The following GTF2H3 variants were observed in gnomAD, a reference collection of about 807,000 sequenced individuals.
GTF2H3 encodes general transcription factor IIH subunit 3.
Under a neutral mutation model 51.1 loss-of-function variants are expected in GTF2H3, and 42 were observed. That is an observed-to-expected ratio of 0.82 (90% CI 0.64 to 1.06). The LOEUF (loss-of-function observed/expected upper bound fraction) is 1.06, where lower values mean the gene tolerates loss of function less well. Among genes scored for constraint, GTF2H3 ranks in the 50% least tolerant of loss-of-function variants. The pLI, the probability that GTF2H3 is intolerant of heterozygous loss-of-function variation, is 0.00. For missense variants in GTF2H3, 326 were observed against 366.1 expected (o/e 0.89, Z 0.89); for synonymous variants, 123 against 123.8 (o/e 0.99, Z 0.04).
chr12:123,637,201 C>T (rs980601220), intron 1 of GTF2H3, among the ~76,000 whole-genome samples: 20 of 152,030 alleles, frequency 1.3e-4, no homozygotes, highest in Non-Finnish European at 4.4e-5. Context: ...AGGGGTTGGA[C>T]CCAGTATCCC....
intron 2 of GTF2H3, chr12:123,639,944 G>A (rs1174333003): frequency 4.4e-6 from 2 of 455,846 alleles, no homozygotes; most frequent in Non-Finnish European, 8.8e-6. Context: ...TCATTGATTT[G>A]TGTGTCCATC....
intron 4 of GTF2H3, chr12:123,649,574 C>T (rs1955494522): frequency 4.6e-5 from 7 of 152,236 alleles, no homozygotes; most frequent in Admixed American, 3.9e-4. Flanking sequence ...CCAGAGTTAT[C>T]ATCTTAAAAA....
rs200445892 is a variant in GTF2H3, at chr12:123,659,895, T to C, written c.785T>C (p.Ile262Thr). The C allele has an allele frequency of 2.8e-5, 45 of 1,614,066 alleles. No individual in the cohort carries two copies. The South Asian group carries it at 4.2e-4, about 15-fold the overall frequency. Residue 262 changes from isoleucine to threonine, a missense_variant, in exon 11 of 13, where the codon ATT (isoleucine) becomes ACT (threonine). Ile to Thr is a moderately conservative substitution (Grantham distance 89). Transcript: ENST00000543341. ...RAACFCHRNL[I>T]EIGYVCSVCL... ...GCTTGCTTCTGTCATCGAAATCTCA[T>C]TGAAATTGGTTATGTCTGTTCTGTG...
chr12:123,645,356 C>T, intron 2 of GTF2H3, 99 bp from the exon 3 acceptor site: 1 of 683,414 alleles, frequency 1.5e-6, no homozygotes, highest in South Asian at 1.8e-5. Context: ...AGGCTTGAGC[C>T]ACTGCACCCA....
chr12:123,651,320 C>T (rs1955517568), intron 5 of GTF2H3, among the ~76,000 whole-genome samples: 1 of 152,124 alleles, frequency 6.6e-6, no homozygotes, highest in Non-Finnish European at 1.5e-5. Flanking sequence ...AAGCAGTTCT[C>T]TTGCTTCAGC....
chr12:123,637,825 G>C (rs749697468), intron 1 of GTF2H3, among the ~76,000 whole-genome samples: 6 of 152,006 alleles, frequency 3.9e-5, no homozygotes, highest in Non-Finnish European at 7.4e-5. Flanking sequence ...TCTTAATTAC[G>C]ATTGGCCTTG....
rs147119955 is a variant in GTF2H3 at position 123,645,502 on chromosome 12, G to A, written c.141G>A (p.Ser47=). The change falls in exon 3 of 13, where the codon TCG becomes TCA. Residue 47 remains serine (S), a synonymous_variant. Transcript: ENST00000543341. ...ATGCCGTGATGGTGCTGGGAAATTC[G>A]CATTTATTCATGAATCGTTCCAACA... is the stretch of plus-strand genomic sequence containing the variant. ...CIDAVMVLGN[S]HLFMNRSNKL... is the part of the protein sequence containing the mutation. 22 of 1,610,192 alleles carry A rather than the reference G, an allele frequency of 1.4e-5. No individual in the cohort carries two copies. The African/African-American group carries it at 1.5e-4, about 11-fold the overall frequency.
At chr12:123,658,465 G>A (rs1371011945) in intron 9 of GTF2H3, among the ~76,000 whole-genome samples, 9 of 152,010 alleles carry the variant, frequency 5.9e-5, no homozygotes, top group Non-Finnish European at 2.9e-5. Context: ...AGTGATCCGC[G>A]ATTACAGGCG....
intron 9 of GTF2H3, among the ~76,000 whole-genome samples, chr12:123,656,690 G>A (rs1955591494): frequency 6.6e-6 from 1 of 152,142 alleles, no homozygotes; most frequent in Non-Finnish European, 1.5e-5. Context: ...TCCCTAAGTG[G>A]CAGTGCAGTT....
chr12:123,637,020 G>A (rs1162569662), intron 1 of GTF2H3, among the ~76,000 whole-genome samples: 4 of 152,200 alleles, frequency 2.6e-5, no homozygotes, highest in African/African-American at 7.2e-5. Context: ...AGGAGGTCAA[G>A]GCTGCAGTGA....
chr12:123,633,968 G>A lies in GTF2H3; in HGVS notation c.13+96G>A, dbSNP rs1007159574. ...TGGAATGTGTCTTTTGGGCTGGATA[G>A]AATCCGTTTGGTCTTTAGAGGAGTA... On this transcript the variant is annotated intron_variant, in intron 1 of 12. Transcript: ENST00000543341. 5 of 1,355,404 alleles carry A rather than the reference G, an allele frequency of 3.7e-6. No homozygotes were observed. The African/African-American group carries it at 7.1e-5, about 19-fold the overall frequency. The allele number at this position is 1,355,404 out of a possible 1,614,324, so 84.0% of individuals were successfully genotyped here. A position where few individuals can be genotyped will look rare whatever the true frequency, so the allele number is the denominator to read the frequency against.
At chr12:123,657,508 G>A (rs1955602634) in intron 9 of GTF2H3, among the ~76,000 whole-genome samples, 1 of 152,206 alleles carries the variant, frequency 6.6e-6, no homozygotes, top group Non-Finnish European at 1.5e-5. Flanking sequence ...CCTACTCCCT[G>A]CCTGCCTTCA....
At chr12:123,640,351 T>G (rs1955351706) in intron 2 of GTF2H3, among the ~76,000 whole-genome samples, 1 of 151,190 alleles carries the variant, frequency 6.6e-6, no homozygotes, top group South Asian at 2.1e-4. Flanking sequence ...TTTTTTTTTT[T>G]TTGAGACGGA....
chr12:123,654,534 AGT>A (rs1223306731), intron 7 of GTF2H3, among the ~76,000 whole-genome samples: 3 of 133,092 alleles, frequency 2.3e-5, no homozygotes, highest in Non-Finnish European at 4.8e-5. Context: ...TGTATTTTGG[AGT>A]GTGTGTATTT....
At chr12:123,655,464 G>A (rs1347812835) in intron 8 of GTF2H3, 5 of 333,388 alleles carry the variant, frequency 1.5e-5, no homozygotes, top group African/African-American at 8.5e-5. Context: ...CAGTTTTAAT[G>A]TAAAATGCTG....
In GTF2H3 at chr12:123,659,836, C is replaced by T. The variant is rs1161253336; in HGVS notation, c.726C>T (p.Ile242=). 1 of 1,613,392 alleles carries T rather than the reference C, an allele frequency of 6.2e-7. No homozygotes were observed. The highest frequency in any genetic ancestry group is 1.1e-5 in the South Asian group (1 of 91,036). Residue 242 remains isoleucine, a synonymous_variant, in exon 11 of 13, where the codon ATC becomes ATT. Coordinates refer to ENST00000543341, the MANE Select transcript of GTF2H3 (RefSeq NM_001516.5). ...ATCAAGATCAGAGATCTCAGTTAATCCTCCCACCCCCAGTTCATGTTGACT... is the reference window on the plus strand; with the variant it reads ...ATCAAGATCAGAGATCTCAGTTAATTCTCCCACCCCCAGTTCATGTTGACT... ...LPDQDQRSQL[I]LPPPVHVDYR... is the part of the protein sequence containing the mutation.
Position 123,659,712 on chromosome 12 carries a change from T to C in GTF2H3, c.685-83T>C, listed in dbSNP as rs564843649. On this transcript the variant is annotated intron_variant, in intron 10 of 12. Coordinates refer to ENST00000543341, the MANE Select transcript of GTF2H3 (RefSeq NM_001516.5). Reference sequence around the variant, plus strand: ...AAGGGAATAAATGGAGGCCTTGGAGTTCCAAGGCCTAGAAGGGTGGGCTTC... The same window carrying C: ...AAGGGAATAAATGGAGGCCTTGGAGCTCCAAGGCCTAGAAGGGTGGGCTTC... The C allele has an allele frequency of 5.3e-5, 78 of 1,461,978 alleles. 2 individuals carry two copies. The South Asian group carries it at 7.4e-4, about 14-fold the overall frequency. The allele number at this position is 1,461,978 out of a possible 1,614,324, so 90.6% of individuals were successfully genotyped here.
At position 123,660,081 on chromosome 12, in the gene GTF2H3, G is replaced by C. The variant is rs780480833; in HGVS notation, c.856G>C (p.Glu286Gln). ...CNFSPICTTC[E>Q]TAFKISLPPV... is the part of the protein sequence containing the mutation. ...TTTCAGCCCCATTTGTACTACGTGC[G>C]AGTAAGTATCTTTGAGATTGTGTGG... The change falls in exon 12 of 13, where the codon GAG becomes CAG. Residue 286 changes from glutamate (E) to glutamine (Q), a missense_variant and splice_region_variant. Glu to Gln is a conservative substitution (Grantham distance 29). Coordinates refer to ENST00000543341, the MANE Select transcript of GTF2H3 (RefSeq NM_001516.5). The C allele has an allele frequency of 6.2e-7, 1 of 1,607,728 alleles. No individual in the cohort carries two copies. Among genetic ancestry groups the C allele is most frequent in the Non-Finnish European group, 8.5e-7 (1 of 1,178,504 alleles).
At chr12:123,648,291 A>G in intron 4 of GTF2H3, 165 bp downstream of exon 4, 1 of 513,246 alleles carries the variant, frequency 1.9e-6, no homozygotes, top group Non-Finnish European at 3.4e-6. Context: ...TAGCCTCTAC[A>G]GCATTTGACG....
Sources: gnomAD v4.1 joint callset for allele counts (sites outside exome capture counted in the v4.1 genomes callset) on GRCh38, gnomAD v4.1.1 for gene constraint, MANE v1.5 for transcripts, NCBI Gene and HGNC (gene_info 2026-07-23, HGNC 2026-07-21) for gene names.